PPP1R9A: variants seen among roughly 807,000 people sequenced by gnomAD.
PPP1R9A encodes the protein protein phosphatase 1 regulatory subunit 9A.
A neutral mutation model predicts 141.9 loss-of-function variants in PPP1R9A; 59 were observed. The observed-to-expected ratio is 0.42, with a 90% confidence interval of 0.34 to 0.52. The LOEUF (loss-of-function observed/expected upper bound fraction) is 0.52, where lower values mean the gene tolerates loss of function less well. PPP1R9A is among the 20% of genes least tolerant of loss of function. The pLI is 0.10. For missense variants in PPP1R9A, 1,444 were observed against 1,611.9 expected (o/e 0.90, Z 1.78); for synonymous variants, 500 against 569.7 (o/e 0.88, Z 1.74).
chr7:95,283,726 C>T (rs1285121063), intron 16 of PPP1R9A, among the ~76,000 whole-genome samples: 3 of 152,188 alleles, frequency 2.0e-5, no homozygotes, highest in Non-Finnish European at 4.4e-5. Context: ...TCCTAAAAGA[C>T]TGTGCCCCTC....
intron 2 of PPP1R9A, among the ~76,000 whole-genome samples, chr7:95,077,985 T>C (rs11979372): frequency 0.014 from 2,043 of 150,262 alleles, 50 homozygotes; most frequent in African/African-American, 0.049. Flanking sequence ...TGTTTTTTTT[T>C]TTTTTAATTA....
At chr7:95,244,377 A>G (rs1354694920) in intron 8 of PPP1R9A, among the ~76,000 whole-genome samples, 2 of 152,160 alleles carry the variant, frequency 1.3e-5, no homozygotes, top group African/African-American at 4.8e-5. Flanking sequence ...TCAGGACAAG[A>G]ATTTCTAAGC....
chr7:95,084,698 A>T (rs1043764725), intron 2 of PPP1R9A, among the ~76,000 whole-genome samples: 1 of 151,802 alleles, frequency 6.6e-6, no homozygotes, highest in Admixed American at 6.6e-5. Flanking sequence ...ACTTTGTTGA[A>T]TTTTTTTATT....
chr7:95,258,561 T>C (rs1271395350), intron 12 of PPP1R9A, among the ~76,000 whole-genome samples: 2 of 152,022 alleles, frequency 1.3e-5, no homozygotes, highest in African/African-American at 4.8e-5. Flanking sequence ...CATTATAAAG[T>C]AAATGGAAAG....
At chr7:95,209,033 C>T (rs1468174510) in intron 7 of PPP1R9A, among the ~76,000 whole-genome samples, 1 of 144,720 alleles carries the variant, frequency 6.9e-6, no homozygotes, top group Non-Finnish European at 1.5e-5. Flanking sequence ...GAAATGGAAT[C>T]AAGGAGGCAC....
chr7:95,183,747 A>G lies in PPP1R9A; in HGVS notation c.1755-14602A>G, dbSNP rs188092529. On this transcript the variant is annotated intron_variant, in intron 5 of 19. Coordinates refer to ENST00000433360, the MANE Select transcript of PPP1R9A (RefSeq NM_001166160.2). ...CAGGCGTGAGCCACAGCGCCCAGCC[A>G]AAAATATTCTTATAATTAGTATTGG... is the stretch of plus-strand genomic sequence containing the variant. Among the ~76,000 whole-genome samples the G allele has an allele frequency of 4.5e-3, 692 of 152,134 alleles. 5 individuals are homozygous for G. Among genetic ancestry groups the G allele is most frequent in the African/African-American group, 0.014 (591 of 41,560 alleles).
At position 95,009,165 on chromosome 7, in the gene PPP1R9A, G is replaced by C. The variant is rs140565057; in HGVS notation, c.1395+97657G>C. The stretch of plus-strand genomic sequence containing the variant: ...GGGGCCTGTCATGGGGTCGGGGAAG[G>C]GGGGAGGGATAGCATTAGAAGATAT... On this transcript the variant is annotated intron_variant, in intron 2 of 19. Transcript: ENST00000433360. 2.0e-5 allele frequency among the ~76,000 whole-genome samples: 3 copies of C among 152,236 alleles called. No individual in the cohort carries two copies. In the East Asian group the frequency reaches 5.8e-4, roughly 29 times the overall value.
At chr7:95,210,999 G>T (rs116114058) in intron 7 of PPP1R9A, among the ~76,000 whole-genome samples, 2,481 of 152,088 alleles carry the variant, frequency 0.016, 74 homozygotes, top group African/African-American at 0.055. Flanking sequence ...GCCCGTCAGA[G>T]GGTGGAGGGC....
At chr7:95,110,361 G>T (rs1820337696) in intron 2 of PPP1R9A, among the ~76,000 whole-genome samples, 2 of 152,174 alleles carry the variant, frequency 1.3e-5, no homozygotes, top group East Asian at 3.9e-4. Context: ...TAGATTTTAT[G>T]ATTTTTGGGG....
intron 2 of PPP1R9A, among the ~76,000 whole-genome samples, chr7:95,042,850 C>T (rs535124616): frequency 2.0e-5 from 3 of 151,950 alleles, no homozygotes; most frequent in Non-Finnish European, 2.9e-5. Context: ...TTGAAATAAA[C>T]AGAGTTTAGC....
chr7:95,133,336 C>T (rs917484734), intron 4 of PPP1R9A, among the ~76,000 whole-genome samples: 7 of 151,908 alleles, frequency 4.6e-5, no homozygotes, highest in African/African-American at 1.7e-4. Context: ...GGGACCTGTC[C>T]CTGTCTGCCT....
intron 2 of PPP1R9A, among the ~76,000 whole-genome samples, chr7:94,926,572 C>A (rs1000270415): frequency 1.3e-5 from 2 of 152,082 alleles, no homozygotes. Context: ...TGAAAGTTAT[C>A]AAAAATTTAA....
In PPP1R9A at chr7:95,008,984, A is replaced by C. The variant is rs1000883642; in HGVS notation, c.1395+97476A>C. On this transcript the variant is annotated intron_variant, in intron 2 of 19. Transcript: ENST00000433360. ...TACTATGCAGCCGTAAAAAAGGTTG[A>C]GTTCATGTCCTTTGTAGGGACATGG... Among the ~76,000 whole-genome samples the C allele has an allele frequency of 8.2e-4, 125 of 152,320 alleles. 1 individual carries two copies. Among genetic ancestry groups the C allele is most frequent in the Non-Finnish European group, 2.8e-4 (19 of 68,026 alleles).
chr7:95,273,034 C>A (rs1802457133), intron 14 of PPP1R9A, among the ~76,000 whole-genome samples: 1 of 152,160 alleles, frequency 6.6e-6, no homozygotes, highest in African/African-American at 2.4e-5. Context: ...TAGAGCCTGT[C>A]CGAGATGGAA....
intron 2 of PPP1R9A, among the ~76,000 whole-genome samples, chr7:95,019,138 T>C (rs1805526182): frequency 6.6e-6 from 1 of 152,230 alleles, no homozygotes; most frequent in Non-Finnish European, 1.5e-5. Flanking sequence ...CTCACGCCTG[T>C]AATCCTAGCA....
intron 2 of PPP1R9A, among the ~76,000 whole-genome samples, chr7:95,024,844 ATTAG>A: frequency 6.6e-6 from 1 of 152,150 alleles, no homozygotes; most frequent in East Asian, 1.9e-4. Context: ...TATTTTGCCC[ATTAG>A]TTGATGCAGT....
chr7:95,119,882 T>G (rs1822219308), intron 3 of PPP1R9A, among the ~76,000 whole-genome samples: 1 of 151,900 alleles, frequency 6.6e-6, no homozygotes, highest in South Asian at 2.1e-4. Flanking sequence ...AGTATATGTA[T>G]ATATTATAGT....
intron 2 of PPP1R9A, among the ~76,000 whole-genome samples, chr7:95,025,127 C>G (rs1326614106): frequency 1.3e-5 from 2 of 151,874 alleles, no homozygotes. Context: ...AGTGCAATGG[C>G]ATGATCTCAG....
intron 2 of PPP1R9A, among the ~76,000 whole-genome samples, chr7:94,950,773 G>T (rs374776123): frequency 1.3e-5 from 2 of 152,060 alleles, no homozygotes; most frequent in African/African-American, 4.8e-5. Context: ...CTGAGACAAG[G>T]TCTCACTTTG....
Sources: gnomAD v4.1 joint callset for allele counts (sites outside exome capture counted in the v4.1 genomes callset) on GRCh38, gnomAD v4.1.1 for gene constraint, MANE v1.5 for transcripts, NCBI Gene and HGNC (gene_info 2026-07-23, HGNC 2026-07-21) for gene names.